The following ZNF654 variants were observed in gnomAD, a reference collection of about 807,000 sequenced individuals.
The protein encoded by ZNF654 is zinc finger protein 654.
ZNF654 carries 19 observed loss-of-function variants against 95.3 expected under a neutral mutation model. That is an observed-to-expected ratio of 0.20 (90% CI 0.14 to 0.29). The LOEUF (loss-of-function observed/expected upper bound fraction) is 0.29, where lower values mean the gene tolerates loss of function less well. Among genes scored for constraint, ZNF654 ranks in the 10% least tolerant of loss-of-function variants. The pLI is 1.00. For missense variants in ZNF654, 1,046 were observed against 1,341.0 expected, an observed-to-expected ratio of 0.78 and a Z score of 3.44; for synonymous variants, 413 against 457.9, an observed-to-expected ratio of 0.90 and a Z score of 1.25.
intron 7 of ZNF654, among the ~76,000 whole-genome samples, chr3:88,138,406 A>C (rs55744603): frequency 2.6e-5 from 4 of 151,630 alleles, no homozygotes; most frequent in Non-Finnish European, 4.4e-5. Context: ...CTTAATCACC[A>C]TAAGTTTATG....
chr3:88,126,452 A>G (rs1361674885), intron 4 of ZNF654, among the ~76,000 whole-genome samples, 183 bp downstream of exon 4: 1 of 152,056 alleles, frequency 6.6e-6, no homozygotes, highest in Non-Finnish European at 1.5e-5. Context: ...TGACACCTGG[A>G]TCGGTACATT....
intron 1 of ZNF654, among the ~76,000 whole-genome samples, chr3:88,076,914 G>A (rs1489379259): frequency 6.6e-6 from 1 of 152,136 alleles, no homozygotes; most frequent in Non-Finnish European, 1.5e-5. Flanking sequence ...CAAAGGTGGT[G>A]CAAGTAGCTA....
At chr3:88,067,886 CTT>C (rs76481798) in intron 1 of ZNF654, among the ~76,000 whole-genome samples, 8 of 139,574 alleles carry the variant, frequency 5.7e-5, no homozygotes, top group Admixed American at 7.2e-5. Flanking sequence ...TCTTTTCTTT[CTT>C]TTTTTTTTTT....
At chr3:88,135,816 A>T (rs1474208850) in intron 7 of ZNF654, among the ~76,000 whole-genome samples, 1 of 152,138 alleles carries the variant, frequency 6.6e-6, no homozygotes, top group Non-Finnish European at 1.5e-5. Context: ...TATCAATAAG[A>T]CTTCGAGTAT....
At chr3:88,103,196 A>G (rs1323971722) in intron 2 of ZNF654, among the ~76,000 whole-genome samples, 1 of 152,200 alleles carries the variant, frequency 6.6e-6, no homozygotes, top group African/African-American at 2.4e-5. Flanking sequence ...CCCCCTATTA[A>G]GAGATAAAGC....
At chr3:88,109,709 G>A (rs1328348551) in intron 2 of ZNF654, among the ~76,000 whole-genome samples, 2 of 152,012 alleles carry the variant, frequency 1.3e-5, no homozygotes, top group Admixed American at 6.6e-5. Context: ...GGAATATCCC[G>A]GATAATTATT....
At chr3:88,128,337 A>C (rs7630240) in intron 4 of ZNF654, among the ~76,000 whole-genome samples, 1 of 151,988 alleles carries the variant, frequency 6.6e-6, no homozygotes, top group South Asian at 2.1e-4. Context: ...TTGTGATTCA[A>C]CTTTTTCATT....
rs756158315 is a variant in ZNF654 at position 88,140,581 on chromosome 3, G to C, written c.2912G>C (p.Cys971Ser). The change falls in exon 8 of 9, where the codon TGT becomes TCT. Residue 971 changes from cysteine (C) to serine (S), a missense_variant. This residue lies in a region of ZNF654 where 495 missense variants were observed against 537.0 expected (regional missense o/e 0.92). Coordinates refer to ENST00000636215, the MANE Select transcript of ZNF654 (RefSeq NM_001350134.2). Reference sequence around the variant, plus strand: ...ATAGAGCCAAATTCTGAAAATAATTGTAGTAGTAGTGATATAGTCAATGGA... The same window carrying C: ...ATAGAGCCAAATTCTGAAAATAATTCTAGTAGTAGTGATATAGTCAATGGA... ...PDIEPNSENN[C>S]SSSDIVNGHS... 2.5e-6 allele frequency: 4 copies of C among 1,613,590 alleles called. No homozygotes were observed. The African/African-American group carries it at 5.3e-5, about 22-fold the overall frequency.
chr3:88,139,570 A>G lies in ZNF654; in HGVS notation c.1901A>G (p.Asp634Gly), dbSNP rs1176383173. 6.2e-7 allele frequency: 1 copy of G among 1,613,658 alleles called. No homozygotes were observed. The highest frequency in any genetic ancestry group is 8.5e-7 in the Non-Finnish European group (1 of 1,179,762). Residue 634 changes from aspartate to glycine, a missense_variant, in exon 8 of 9, where the codon GAT becomes GGT. Asp to Gly is a moderately conservative substitution (Grantham distance 94). Transcript: ENST00000636215. ...SSISFENGNS[D>G]SKDLEVETLT... ...ATTTCATTTGAAAATGGGAATTCTG[A>G]TAGTAAGGATTTGGAAGTGGAGACA...
At chr3:88,061,038 T>C (rs1706851564) in intron 1 of ZNF654, among the ~76,000 whole-genome samples, 1 of 152,148 alleles carries the variant, frequency 6.6e-6, no homozygotes, top group Non-Finnish European at 1.5e-5. Context: ...CATTCACTTT[T>C]ATTTTGATAA....
chr3:88,105,102 G>A (rs1704656491), intron 2 of ZNF654, among the ~76,000 whole-genome samples: 1 of 152,200 alleles, frequency 6.6e-6, no homozygotes, highest in Admixed American at 6.5e-5. Context: ...TTGCACCACT[G>A]CACTCCAGCC....
chr3:88,122,675 T>C (rs1255065869), intron 3 of ZNF654, among the ~76,000 whole-genome samples: 1 of 152,130 alleles, frequency 6.6e-6, no homozygotes, highest in South Asian at 2.1e-4. Flanking sequence ...TAAGTTGATA[T>C]AGAGGCACAA....
intron 6 of ZNF654, among the ~76,000 whole-genome samples, chr3:88,130,590 A>G (rs1384501582): frequency 4.7e-5 from 7 of 150,142 alleles, no homozygotes; most frequent in African/African-American, 7.3e-5. Flanking sequence ...AGCTGGGACT[A>G]CAGATGTGTG....
intron 2 of ZNF654, among the ~76,000 whole-genome samples, chr3:88,104,700 G>A (rs1425590640): frequency 6.6e-6 from 1 of 152,188 alleles, no homozygotes; most frequent in Non-Finnish European, 1.5e-5. Flanking sequence ...ACAGGTGAAT[G>A]TGTTAAGCCA....
rs866877112 is a variant in ZNF654 at position 88,085,893 on chromosome 3, C to T, written c.187-364C>T. ...AATAATGATAATAATAATGCATGATCGTTTCTAATTTTCTTTATTACTATA... is the reference window on the plus strand; with the variant it reads ...AATAATGATAATAATAATGCATGATTGTTTCTAATTTTCTTTATTACTATA... On this transcript the variant is annotated intron_variant, in intron 1 of 8. Coordinates refer to ENST00000636215, the MANE Select transcript of ZNF654 (RefSeq NM_001350134.2). Among the ~76,000 whole-genome samples the T allele has an allele frequency of 2.3e-4, 35 of 152,196 alleles. No homozygotes were observed. In the East Asian group the frequency reaches 2.3e-3, roughly 10 times the overall value.
chr3:88,118,395 A>G (rs1705544987), intron 3 of ZNF654, among the ~76,000 whole-genome samples: 1 of 152,150 alleles, frequency 6.6e-6, no homozygotes, highest in African/African-American at 2.4e-5. Context: ...ATCAAAGGTA[A>G]AAGAGCCAGC....
At chr3:88,129,171 T>C (rs2107834259) in intron 5 of ZNF654, 160 bp downstream of exon 5, 2 of 564,252 alleles carry the variant, frequency 3.5e-6, no homozygotes, top group Non-Finnish European at 6.1e-6. Context: ...GCACCATAAC[T>C]TAAGGTCATG....
At chr3:88,062,592 T>C (rs1024649527) in intron 1 of ZNF654, among the ~76,000 whole-genome samples, 1 of 152,218 alleles carries the variant, frequency 6.6e-6, no homozygotes, top group African/African-American at 2.4e-5. Flanking sequence ...TGTCACCAAA[T>C]ACACTGAATT....
At chr3:88,113,028 A>G (rs1705188383) in intron 2 of ZNF654, 87 bp from the exon 3 acceptor site, 3 of 820,492 alleles carry the variant, frequency 3.7e-6, no homozygotes, top group African/African-American at 1.8e-5. Context: ...TCAAATATTG[A>G]TATTAGATAG....
Sources: allele counts gnomAD v4.1 joint callset (sites outside exome capture counted in the v4.1 genomes callset), GRCh38; gene constraint gnomAD v4.1.1; regional missense constraint gnomAD v4.1.1; transcripts MANE v1.5; gene names NCBI Gene and HGNC (gene_info 2026-07-23, HGNC 2026-07-21).